The following SETD1A variants were observed in gnomAD, a reference collection of about 807,000 sequenced individuals.
The protein encoded by SETD1A is SET domain containing 1A, histone lysine methyltransferase.
In SETD1A, 29 loss-of-function variants were observed where a neutral mutation model predicts 149.9. The ratio of observed to expected loss-of-function variants is 0.19; its 90% CI spans 0.14 to 0.26. The LOEUF (loss-of-function observed/expected upper bound fraction) is 0.26. SETD1A is among the 10% of genes least tolerant of loss of function. The pLI, the probability that SETD1A is intolerant of heterozygous loss-of-function variation, is 1.00. For missense variants in SETD1A, 2,109 were observed against 2,353.1 expected, an observed-to-expected ratio of 0.90 and a Z score of 2.15; for synonymous variants, 1,141 against 968.5, an observed-to-expected ratio of 1.18 and a Z score of -3.31.
At chr16:30,976,246 A>G (rs898310413) in intron 13 of SETD1A, among the ~76,000 whole-genome samples, 1 of 152,188 alleles carries the variant, frequency 6.6e-6, no homozygotes, top group African/African-American at 2.4e-5. Context: ...AAAGCCAGGC[A>G]TAGTGGCACA....
At chr16:30,960,221 C>T (rs550344552) in intron 3 of SETD1A, among the ~76,000 whole-genome samples, 19 of 152,158 alleles carry the variant, frequency 1.2e-4, no homozygotes, top group Non-Finnish European at 2.8e-4. Context: ...GGCTTCACTA[C>T]GCTGCTGTTT....
chr16:30,958,446 A>T, intron 1 of SETD1A: 1 of 356,156 alleles, frequency 2.8e-6, no homozygotes, highest in Non-Finnish European at 5.2e-6. Context: ...CTCCGAGGCC[A>T]AGTGGGGCGC....
At chr16:30,964,351 C>T (rs777599048) in intron 6 of SETD1A, 28 bp downstream of exon 6, 11 of 1,571,194 alleles carry the variant, frequency 7.0e-6, no homozygotes, top group African/African-American at 2.7e-5. Context: ...CCTGGGGCCC[C>T]GCCCGCAAAG....
At chr16:30,971,270 C>T (rs1349714722) in intron 12 of SETD1A, 108 bp from the exon 13 acceptor site, 18 of 1,190,738 alleles carry the variant, frequency 1.5e-5, no homozygotes, top group Middle Eastern at 2.9e-4. Flanking sequence ...TGGACTTCCC[C>T]GTCCCTAGCC....
intron 13 of SETD1A, among the ~76,000 whole-genome samples, chr16:30,973,154 C>G (rs1048990959): frequency 6.6e-6 from 1 of 152,022 alleles, no homozygotes. Flanking sequence ...AGAGTTGGGC[C>G]CAGCAGACAA....
chr16:30,958,459 G>A, intron 1 of SETD1A: 1 of 446,916 alleles, frequency 2.2e-6, no homozygotes, highest in South Asian at 2.8e-5. Context: ...TGGGGCGCGC[G>A]CTAGGGAGAG....
In SETD1A at chr16:30,979,175, C is replaced by A. The variant is rs772241827; in HGVS notation, c.3389C>A (p.Pro1130His). 1 of 1,583,722 alleles carries A rather than the reference C, an allele frequency of 6.3e-7. No homozygotes were observed. Among genetic ancestry groups the A allele is most frequent in the South Asian group, 1.1e-5 (1 of 87,138 alleles). The stretch of plus-strand genomic sequence containing the variant: ...ACGGAGGAGTCACCCCCCAGTGCGC[C>A]TCTGCGTCCCCCAGAACCACCTGCT... ...GPTEESPPSAPLRPPEPPAGP... is the reference protein window; with the variant it reads ...GPTEESPPSAHLRPPEPPAGP... The change falls in exon 14 of 19, where the codon CCT becomes CAT. Residue 1130 changes from proline (P) to histidine (H), a missense_variant. This residue lies in a region of SETD1A where 832 missense variants were observed against 815.6 expected (regional missense o/e 1.02). Transcript: ENST00000262519.
chr16:30,969,264 G>A (rs578038827), intron 10 of SETD1A, 41 bp from the exon 11 acceptor site: 3 of 1,594,252 alleles, frequency 1.9e-6, no homozygotes, highest in Admixed American at 3.5e-5. Flanking sequence ...GTATCTTGTG[G>A]TTGATGGTAA....
Position 30,983,999 on chromosome 16 carries a change from G to A in SETD1A, c.5100G>A (p.Glu1700=). The change falls in exon 19 of 19, where the codon GAG becomes GAA. Residue 1700 remains glutamate (E), a synonymous_variant. Transcript: ENST00000262519. The surrounding 1 kb of genome is among the most constrained non-coding windows in gnomAD (Gnocchi z 6.8). ...AGATCCCGTGTCTGTGTGGCACAGA[G>A]AGCTGCCGGGGCTCCCTAAACTGAG... is the stretch of plus-strand genomic sequence containing the variant. The part of the protein sequence containing the change: ...DNKIPCLCGT[E]SCRGSLN 6.2e-7 allele frequency: 1 copy of A among 1,613,702 alleles called. No individual in the cohort carries two copies. Among genetic ancestry groups the A allele is most frequent in the South Asian group, 1.1e-5 (1 of 91,038 alleles).
chr16:30,969,711 C>A, intron 12 of SETD1A, 22 bp downstream of exon 12: 1 of 1,598,066 alleles, frequency 6.3e-7, no homozygotes, highest in Non-Finnish European at 8.6e-7. Flanking sequence ...ACAGTGAAAT[C>A]GACTTTGGGC....
rs1197930186 is a variant in SETD1A at position 30,965,903 on chromosome 16, A to G, written c.2022A>G (p.Gly674=). ...TGGACCGACTTGGGGCTCAGTGGGG[A>G]GGGATGCCCATGTCCTTCCAGATGC... ...ELMDRLGAQW[G]GMPMSFQMQT... Residue 674 remains glycine, a synonymous_variant, in exon 8 of 19, where the codon GGA becomes GGG. Transcript: ENST00000262519. 6.2e-7 allele frequency: 1 copy of G among 1,601,310 alleles called. No individual in the cohort carries two copies. Among genetic ancestry groups the G allele is most frequent in the Non-Finnish European group, 8.5e-7 (1 of 1,175,952 alleles).
chr16:30,959,416 G>T (rs1301196728), intron 3 of SETD1A, among the ~76,000 whole-genome samples: 1 of 152,146 alleles, frequency 6.6e-6, no homozygotes, highest in Non-Finnish European at 1.5e-5. Flanking sequence ...TCGACTTCTT[G>T]AAGGGTGAGG....
At chr16:30,974,904 G>C (rs2056266004) in intron 13 of SETD1A, among the ~76,000 whole-genome samples, 1 of 151,908 alleles carries the variant, frequency 6.6e-6, no homozygotes, top group African/African-American at 2.4e-5. Context: ...GCACTTGGGA[G>C]GGCTGAGGCG....
At chr16:30,974,363 G>T (rs1334243627) in intron 13 of SETD1A, among the ~76,000 whole-genome samples, 2 of 152,084 alleles carry the variant, frequency 1.3e-5, no homozygotes, top group Non-Finnish European at 2.9e-5. Context: ...AAGTGTAGCA[G>T]TGAATTCACC....
At chr16:30,973,851 G>T (rs2056254490) in intron 13 of SETD1A, among the ~76,000 whole-genome samples, 1 of 152,126 alleles carries the variant, frequency 6.6e-6, no homozygotes, top group Non-Finnish European at 1.5e-5. Context: ...AACCTCTTCT[G>T]GGCCCATTGG....
intron 3 of SETD1A, among the ~76,000 whole-genome samples, chr16:30,959,624 C>T (rs2056020171): frequency 6.6e-6 from 1 of 152,188 alleles, no homozygotes; most frequent in African/African-American, 2.4e-5. Flanking sequence ...CTATTCTCCA[C>T]CCTAGACAAG....
At chr16:30,960,264 C>CT (rs2143457672) in intron 3 of SETD1A, among the ~76,000 whole-genome samples, 2 of 152,312 alleles carry the variant, frequency 1.3e-5, no homozygotes, top group East Asian at 3.9e-4. Flanking sequence ...TTTTGGGACA[C>CT]TGACATGTAT....
chr16:30,980,246 T>A lies in SETD1A; in HGVS notation c.4408+52T>A. The A allele has an allele frequency of 6.5e-7, 1 of 1,531,294 alleles. No homozygotes were observed. The highest frequency in any genetic ancestry group is 8.8e-7 in the Non-Finnish European group (1 of 1,138,790). 94.9% of individuals were successfully genotyped at this position (1,531,294 alleles called of 1,614,324 possible). ...CGGGCTTGGGTCCTCCCCCGACCCC[T>A]CCAGGCACCTGCATCTGTGCCCCAC... On this transcript the variant is annotated intron_variant, in intron 14 of 18. Transcript: ENST00000262519. This position sits in a 1 kb window ranked among gnomAD's most constrained non-coding sequence, Gnocchi z 7.7.
In SETD1A at chr16:30,983,812, TG is replaced by T. The variant is rs1336512623; in HGVS notation, c.4951-33del. On this transcript the variant is annotated intron_variant, in intron 18 of 18. Transcript: ENST00000262519. The surrounding 1 kb of genome is among the most constrained non-coding windows in gnomAD (Gnocchi z 6.8). ...AGCCGGGGCAGGAGTTGGGGGTCGG[TG>T]GGGGTGGCCACGGCTCACACGCCCT... is the stretch of plus-strand genomic sequence containing the variant. The T allele has an allele frequency of 1.2e-6, 2 of 1,611,460 alleles. No homozygotes were observed. Among genetic ancestry groups the T allele is most frequent in the Non-Finnish European group, 8.5e-7 (1 of 1,178,290 alleles).
Sources: gnomAD v4.1 joint callset for allele counts (sites outside exome capture counted in the v4.1 genomes callset) on GRCh38, gnomAD v4.1.1 for gene constraint, gnomAD v4.1.1 regional missense constraint, Gnocchi (gnomAD v3.1) non-coding constraint, MANE v1.5 for transcripts, NCBI Gene and HGNC (gene_info 2026-07-23, HGNC 2026-07-21) for gene names.